The following ECI1 variants were observed in gnomAD, a reference collection of about 807,000 sequenced individuals.
The protein encoded by ECI1 is enoyl-CoA delta isomerase 1, also known as enoyl-CoA delta isomerase 1, mitochondrial.
A neutral mutation model predicts 34.2 loss-of-function variants in ECI1; 34 were observed. The ratio of observed to expected loss-of-function variants is 1.00; its 90% CI spans 0.76 to 1.33. ECI1 has a LOEUF of 1.33. ECI1 is among the 40% of genes most tolerant of loss of function. The probability of loss-of-function intolerance (pLI) is 0.00; values close to 1 mark genes in which losing one functional copy is unlikely to be tolerated. For synonymous variants in ECI1, 211 were observed against 193.0 expected, an observed-to-expected ratio of 1.09 and a Z score of -0.77; for missense variants, 456 against 422.2, an observed-to-expected ratio of 1.08 and a Z score of -0.70.
chr16:2,246,961 G>A lies in ECI1; in HGVS notation c.192C>T (p.Asn64=), dbSNP rs763564542. The part of the protein sequence containing the change: ...GAGVAVMKFK[N]PPVNSLSLEF... ...CCAGGCTCAGGCTGTTCACTGGGGG[G>A]TTCTTGAATTTCATCACAGCGACCC... The change falls in exon 3 of 7, where the codon AAC becomes AAT. Residue 64 remains asparagine (N), a synonymous_variant. Coordinates refer to ENST00000301729, the MANE Select transcript of ECI1 (RefSeq NM_001919.4). The A allele has an allele frequency of 3.7e-6, 6 of 1,613,696 alleles. No individual in the cohort carries two copies. The highest frequency in any genetic ancestry group is 4.2e-6 in the Non-Finnish European group (5 of 1,180,014).
intron 6 of ECI1, chr16:2,242,296 T>G (rs2093529778): frequency 6.6e-6 from 1 of 152,372 alleles, no homozygotes; most frequent in South Asian, 2.1e-4. Context: ...CCTGGCCCAC[T>G]GTCCATAAAG....
chr16:2,240,217 A>ATTTT, intron 6 of ECI1, 72 bp from the exon 7 acceptor site: 2 of 1,358,876 alleles, frequency 1.5e-6, no homozygotes, highest in Non-Finnish European at 2.0e-6. Context: ...CTTATTTTTT[A>ATTTT]TTTTTATTTT....
chr16:2,239,812 G>T lies in ECI1; in HGVS notation c.*167C>A. The stretch of plus-strand genomic sequence containing the variant: ...CGGGCACAGGCACCCATGTGTGTTT[G>T]TGTGTGGCTGGGCCTTGGGCCACTG... On this transcript the variant is annotated 3_prime_UTR_variant, in exon 7 of 7. Transcript: ENST00000301729. The T allele has an allele frequency of 1.4e-6, 1 of 723,952 alleles. No homozygotes were observed. Among genetic ancestry groups the T allele is most frequent in the Non-Finnish European group, 2.4e-6 (1 of 414,970 alleles). 44.8% of individuals were successfully genotyped at this position (723,952 alleles called of 1,614,324 possible). A position where few individuals can be genotyped will look rare whatever the true frequency, so the allele number is the denominator to read the frequency against.
At chr16:2,244,703 G>A (rs1394118955) in intron 3 of ECI1, 151 bp from the exon 4 acceptor site, 9 of 789,948 alleles carry the variant, frequency 1.1e-5, no homozygotes, top group East Asian at 1.1e-4. Context: ...AGGACTAGGC[G>A]CTCCAGGGAC....
chr16:2,239,852 G>A lies in ECI1; in HGVS notation c.*127C>T, dbSNP rs2093523534. 9.4e-6 allele frequency: 10 copies of A among 1,063,788 alleles called. No individual in the cohort carries two copies. Among genetic ancestry groups the A allele is most frequent in the African/African-American group, 1.6e-5 (1 of 64,320 alleles). 65.9% of individuals were successfully genotyped at this position (1,063,788 alleles called of 1,614,324 possible). On this transcript the variant is annotated 3_prime_UTR_variant, in exon 7 of 7. Coordinates refer to ENST00000301729, the MANE Select transcript of ECI1 (RefSeq NM_001919.4). ...TTGGGCCACTGGGCTATGAGGAACA[G>A]GAACTTCTACGTAACATCAGCAAAA...
Position 2,243,397 on chromosome 16 carries a change from C to A in ECI1, c.484G>T (p.Asp162Tyr). 1 of 1,613,594 alleles carries A rather than the reference C, an allele frequency of 6.2e-7. No individual in the cohort carries two copies. The highest frequency in any genetic ancestry group is 1.1e-5 in the South Asian group (1 of 91,068). Residue 162 changes from aspartate to tyrosine, a missense_variant, in exon 5 of 7, where the codon GAC (aspartate) becomes TAC (tyrosine). Coordinates refer to ENST00000301729, the MANE Select transcript of ECI1 (RefSeq NM_001919.4). ...AGGCLVALTC[D>Y]YRILADNPRY... Reference sequence around the variant, plus strand: ...GGGTTGTCCGCCAGGATGCGGTAGTCACAGGTCAGGGCCACCAGGCAGCCT... The same window carrying A: ...GGGTTGTCCGCCAGGATGCGGTAGTAACAGGTCAGGGCCACCAGGCAGCCT...
In ECI1 at chr16:2,251,574, G is replaced by A. The variant is rs779276270; in HGVS notation, c.-8C>T. ...AGAAGCCACCAGCGCCATCTTGACC[G>A]CAACGCGCGGGATAAAGGTCGCGGG... On this transcript the variant is annotated 5_prime_UTR_variant, in exon 1 of 7. Coordinates refer to ENST00000301729, the MANE Select transcript of ECI1 (RefSeq NM_001919.4). 10 of 1,553,258 alleles carry A rather than the reference G, an allele frequency of 6.4e-6. No individual in the cohort carries two copies. Among genetic ancestry groups the A allele is most frequent in the South Asian group, 2.4e-5 (2 of 84,332 alleles).
At chr16:2,246,572 G>A (rs548400363) in intron 3 of ECI1, among the ~76,000 whole-genome samples, 1 of 152,156 alleles carries the variant, frequency 6.6e-6, no homozygotes, top group Non-Finnish European at 1.5e-5. Context: ...GCGTCTCTTG[G>A]GAAAGCTGTC....
intron 6 of ECI1, 165 bp downstream of exon 6, chr16:2,242,881 T>A: frequency 1.5e-6 from 1 of 652,468 alleles, no homozygotes; most frequent in Non-Finnish European, 2.8e-6. Context: ...TTCTGCGGTC[T>A]GGGCCACCCG....
At position 2,239,684 on chromosome 16, in the gene ECI1, G is replaced by A. The variant is rs988072184; in HGVS notation, c.*295C>T. 2 of 444,886 alleles carry A rather than the reference G, an allele frequency of 4.5e-6. No homozygotes were observed. Among genetic ancestry groups the A allele is most frequent in the African/African-American group, 4.0e-5 (2 of 50,012 alleles). 27.6% of individuals were successfully genotyped at this position (444,886 alleles called of 1,614,324 possible). A position where few individuals can be genotyped will look rare whatever the true frequency, so the allele number is the denominator to read the frequency against. ...GGGACTTGACTTACGATTCTGCCTT[G>A]GGAACAGAGACACTCCGTGGCAACC... On this transcript the variant is annotated 3_prime_UTR_variant, in exon 7 of 7. Transcript: ENST00000301729.
Position 2,239,907 on chromosome 16 carries a change from A to T in ECI1, c.*72T>A. On this transcript the variant is annotated 3_prime_UTR_variant, in exon 7 of 7. Coordinates refer to ENST00000301729, the MANE Select transcript of ECI1 (RefSeq NM_001919.4). Reference sequence around the variant, plus strand: ...ACGCTGGCAGTACTTTTAAGTTGAAAAATACCTTGTTTAAGACCTCCCTGG... The same window carrying T: ...ACGCTGGCAGTACTTTTAAGTTGAATAATACCTTGTTTAAGACCTCCCTGG... 6.6e-7 allele frequency: 1 copy of T among 1,514,816 alleles called. No homozygotes were observed. The highest frequency in any genetic ancestry group is 9.2e-7 in the Non-Finnish European group (1 of 1,091,022). 93.8% of individuals were successfully genotyped at this position (1,514,816 alleles called of 1,614,324 possible).
At chr16:2,251,116 G>T (rs897024183) in intron 2 of ECI1, among the ~76,000 whole-genome samples, 200 bp downstream of exon 2, 1 of 152,210 alleles carries the variant, frequency 6.6e-6, no homozygotes, top group African/African-American at 2.4e-5. Flanking sequence ...CACCGCGCCC[G>T]GCCTCCGCCA....
In ECI1 at chr16:2,243,337, C is replaced by A; in HGVS notation, c.544G>T (p.Gly182Cys). The A allele has an allele frequency of 1.9e-6, 3 of 1,613,682 alleles. No homozygotes were observed. The highest frequency in any genetic ancestry group is 1.3e-5 in the African/African-American group (1 of 75,054). Residue 182 changes from glycine to cysteine, a missense_variant, in exon 5 of 7, where the codon GGC becomes TGC. Physicochemically the swap from Gly to Cys is radical, Grantham distance 159 (BLOSUM62 -3). Transcript: ENST00000301729. ...YCIGLNETQL[G>C]IIAPFWLKDT... ...CCTTACCAGAAAGGGGCGATGATGC[C>A]CAGCTGGGTCTCATTGAGTCCTATG...
At chr16:2,240,246 C>CTAAG in intron 6 of ECI1, 101 bp from the exon 7 acceptor site, 1 of 1,345,330 alleles carries the variant, frequency 7.4e-7, no homozygotes, top group Non-Finnish European at 1.0e-6. Context: ...GAGTCTTGCT[C>CTAAG]TGTCGCCCAG....
chr16:2,244,453 A>G lies in ECI1; in HGVS notation c.394T>C (p.Trp132Arg). 2 of 1,612,322 alleles carry G rather than the reference A, an allele frequency of 1.2e-6. No homozygotes were observed. The highest frequency in any genetic ancestry group is 1.7e-6 in the Non-Finnish European group (2 of 1,179,742). Reference sequence around the variant, plus strand: ...AGGTTGGACTGGTACAACCGCAGCCACAGCTCCTGAACGGCCTTCCAGTAC... The same window carrying G: ...AGGTTGGACTGGTACAACCGCAGCCGCAGCTCCTGAACGGCCTTCCAGTAC... Reference protein sequence around the residue: ...AGYWKAVQELWLRLYQSNLVL... With the variant: ...AGYWKAVQELRLRLYQSNLVL... The change falls in exon 4 of 7, where the codon TGG becomes CGG. Residue 132 changes from tryptophan to arginine, a missense_variant. Physicochemically the swap from Trp to Arg is moderately radical, Grantham distance 101. Transcript: ENST00000301729.
In ECI1 at chr16:2,246,411, G is replaced by T. The variant is rs1386601172; in HGVS notation, c.294+448C>A. Among the ~76,000 whole-genome samples the T allele has an allele frequency of 2.0e-5, 3 of 152,290 alleles. No individual in the cohort carries two copies. In the East Asian group the frequency reaches 5.8e-4, roughly 29 times the overall value. On this transcript the variant is annotated intron_variant, in intron 3 of 6. Transcript: ENST00000301729. ...CCACCAGGTGTGCTTAGGGTCCAAGGTGACCCCATAGATGCATGGCTCTCC... is the reference window on the plus strand; with the variant it reads ...CCACCAGGTGTGCTTAGGGTCCAAGTTGACCCCATAGATGCATGGCTCTCC...
intron 2 of ECI1, among the ~76,000 whole-genome samples, chr16:2,249,906 G>C (rs1293453276): frequency 1.6e-5 from 1 of 62,838 alleles, no homozygotes; most frequent in East Asian, 4.9e-4. Context: ...AAAAAAAAAA[G>C]ACAAAGTAGA....
At chr16:2,244,996 G>A (rs1049766234) in intron 3 of ECI1, among the ~76,000 whole-genome samples, 1 of 152,192 alleles carries the variant, frequency 6.6e-6, no homozygotes, top group Non-Finnish European at 1.5e-5. Context: ...TAGGGTGGGA[G>A]AATGATCTGG....
intron 3 of ECI1, 149 bp downstream of exon 3, chr16:2,246,710 C>T (rs1443210511): frequency 9.0e-6 from 11 of 1,224,316 alleles, no homozygotes; most frequent in South Asian, 3.8e-5. Flanking sequence ...CCCGTGAAGG[C>T]GCCTGGAGTC....
Sources: gnomAD v4.1 joint callset for allele counts (sites outside exome capture counted in the v4.1 genomes callset) on GRCh38, gnomAD v4.1.1 for gene constraint, MANE v1.5 for transcripts, NCBI Gene and HGNC (gene_info 2026-07-23, HGNC 2026-07-21) for gene names.